The following ANKFN1 variants were observed in gnomAD, a reference collection of about 807,000 sequenced individuals.
ANKFN1 encodes the protein ankyrin repeat and fibronectin type III domain containing 1.
Under a neutral mutation model 108.7 loss-of-function variants are expected in ANKFN1, and 74 were observed. The observed-to-expected ratio is 0.68, with a 90% CI of 0.56 to 0.83. The LOEUF is 0.83. ANKFN1 is among the 40% of genes least tolerant of loss of function. ANKFN1 has a pLI of 0.00. For missense variants in ANKFN1, 1,505 were observed against 1,382.3 expected, an observed-to-expected ratio of 1.09 and a Z score of -1.41; for synonymous variants, 547 against 516.2, an observed-to-expected ratio of 1.06 and a Z score of -0.81.
intron 4 of ANKFN1, among the ~76,000 whole-genome samples, chr17:56,116,197 A>G (rs1049086037): frequency 2.2e-4 from 33 of 152,210 alleles, no homozygotes; most frequent in Admixed American, 6.5e-4. Context: ...TTGTTTTTAC[A>G]TATGTCTCCT....
chr17:56,489,188 G>A (rs1003213438), intron 18 of ANKFN1, among the ~76,000 whole-genome samples: 1 of 152,226 alleles, frequency 6.6e-6, no homozygotes, highest in East Asian at 1.9e-4. Context: ...ACTATCTTAT[G>A]TAGAAAAAAG....
chr17:56,426,899 T>C (rs1440287916), intron 8 of ANKFN1, among the ~76,000 whole-genome samples: 1 of 152,206 alleles, frequency 6.6e-6, no homozygotes, highest in Non-Finnish European at 1.5e-5. Context: ...CAAGACTCTT[T>C]GTTTCCCTGG....
chr17:56,143,951 G>A (rs1270729643), intron 4 of ANKFN1, among the ~76,000 whole-genome samples: 3 of 152,070 alleles, frequency 2.0e-5, no homozygotes, highest in African/African-American at 7.2e-5. Flanking sequence ...AACTGTGAGA[G>A]GTTAAGTGGA....
intron 8 of ANKFN1, among the ~76,000 whole-genome samples, chr17:56,433,739 G>A (rs933707738): frequency 3.3e-5 from 5 of 151,960 alleles, no homozygotes; most frequent in African/African-American, 2.4e-5. Context: ...TATACTGCCC[G>A]GGTGATGGGT....
intron 5 of ANKFN1, among the ~76,000 whole-genome samples, chr17:56,351,418 G>C (rs556115989): frequency 8.0e-5 from 12 of 150,200 alleles, no homozygotes; most frequent in Non-Finnish European, 1.0e-4. Context: ...CAAAGAGAGA[G>C]GAGGAAGGAA....
intron 8 of ANKFN1, among the ~76,000 whole-genome samples, chr17:56,414,617 A>G (rs748242280): frequency 7.2e-5 from 11 of 152,226 alleles, no homozygotes; most frequent in Non-Finnish European, 1.6e-4. Context: ...GACATATGCA[A>G]GTCAGTTAAT....
chr17:56,493,447 G>C (rs935545251), intron 19 of ANKFN1, among the ~76,000 whole-genome samples: 1 of 152,164 alleles, frequency 6.6e-6, no homozygotes, highest in Non-Finnish European at 1.5e-5. Context: ...AGATGAGGCA[G>C]ACAGAGCAGA....
chr17:56,291,520 T>C (rs2044364270), intron 3 of ANKFN1, among the ~76,000 whole-genome samples: 2 of 152,214 alleles, frequency 1.3e-5, no homozygotes, highest in Non-Finnish European at 2.9e-5. Flanking sequence ...ATTATTTATT[T>C]ATTATGATGA....
At chr17:56,127,004 T>G (rs1297896350) in intron 4 of ANKFN1, among the ~76,000 whole-genome samples, 2 of 152,222 alleles carry the variant, frequency 1.3e-5, no homozygotes, top group Non-Finnish European at 2.9e-5. Context: ...AAAGAGTAGC[T>G]ATTACATACT....
chr17:56,303,424 T>C (rs562357472), intron 3 of ANKFN1, among the ~76,000 whole-genome samples: 28 of 152,204 alleles, frequency 1.8e-4, no homozygotes, highest in Non-Finnish European at 3.2e-4. Flanking sequence ...AAAATTCATC[T>C]GCTGCTCAAC....
Position 56,342,417 on chromosome 17 carries a change from C to G in ANKFN1, c.189-8349C>G, listed in dbSNP as rs2045983144. Among the ~76,000 whole-genome samples, 3 of 150,942 alleles carry G rather than the reference C, an allele frequency of 2.0e-5. No homozygotes were observed. The South Asian group carries it at 6.2e-4, about 31-fold the overall frequency. ...AGGTTGTTAACTTGAGATCTAACTT[C>G]TTAATGGGGGCACTTAGTGCTGTAA... On this transcript the variant is annotated intron_variant, in intron 4 of 20. Coordinates refer to ENST00000682825, the MANE Select transcript of ANKFN1 (RefSeq NM_001370326.1).
At chr17:56,197,518 T>G (rs1360405175) in intron 1 of ANKFN1, among the ~76,000 whole-genome samples, 1 of 152,140 alleles carries the variant, frequency 6.6e-6, no homozygotes, top group East Asian at 1.9e-4. Flanking sequence ...CACAGCAAAT[T>G]CCTAGGGAGG....
chr17:56,455,749 A>G (rs2049670565), intron 11 of ANKFN1, among the ~76,000 whole-genome samples: 1 of 152,228 alleles, frequency 6.6e-6, no homozygotes, highest in Non-Finnish European at 1.5e-5. Flanking sequence ...TCCATGTTAT[A>G]AGCAGAAGAC....
chr17:56,159,946 T>TGGGGGCAGGGCAG (rs1909490023), intron 1 of ANKFN1, among the ~76,000 whole-genome samples: 1 of 43,466 alleles, frequency 2.3e-5, no homozygotes, highest in Admixed American at 2.7e-4. Context: ...TGACCAGGGG[T>TGGGGGCAGGGCAG]GGGGGCAGGG....
At chr17:56,489,155 T>C (rs548206662) in intron 18 of ANKFN1, among the ~76,000 whole-genome samples, 1 of 152,296 alleles carries the variant, frequency 6.6e-6, no homozygotes, top group Admixed American at 6.5e-5. Flanking sequence ...CTAGTGTTGA[T>C]GCCAACCTTA....
intron 18 of ANKFN1, among the ~76,000 whole-genome samples, chr17:56,489,066 G>A (rs1447881708): frequency 6.6e-6 from 1 of 152,224 alleles, no homozygotes; most frequent in Non-Finnish European, 1.5e-5. Flanking sequence ...TGTCACACAG[G>A]TGGTGAGTGG....
At chr17:56,509,586 G>A (rs544555456) in intron 20 of ANKFN1, among the ~76,000 whole-genome samples, 46 of 152,310 alleles carry the variant, frequency 3.0e-4, no homozygotes, top group Non-Finnish European at 1.2e-4. Context: ...TTTTACATAA[G>A]TGCGTTGGTG....
At chr17:56,459,744 G>A (rs1419237038) in intron 14 of ANKFN1, among the ~76,000 whole-genome samples, 1 of 152,150 alleles carries the variant, frequency 6.6e-6, no homozygotes, top group Admixed American at 6.5e-5. Context: ...AGCAATGTGA[G>A]AAGGATCAGG....
At chr17:56,126,780 A>G (rs1906960133) in intron 4 of ANKFN1, among the ~76,000 whole-genome samples, 2 of 152,236 alleles carry the variant, frequency 1.3e-5, no homozygotes, top group Non-Finnish European at 2.9e-5. Flanking sequence ...AAAATAGTGC[A>G]GAAACAGCAC....
Sources: gnomAD v4.1 joint callset for allele counts (sites outside exome capture counted in the v4.1 genomes callset) on GRCh38, gnomAD v4.1.1 for gene constraint, MANE v1.5 for transcripts, NCBI Gene and HGNC (gene_info 2026-07-23, HGNC 2026-07-21) for gene names.